DLGAP2: variants seen among roughly 807,000 people sequenced by gnomAD.
DLGAP2 encodes DLG associated protein 2.
Under a neutral mutation model 100.3 loss-of-function variants are expected in DLGAP2, and 26 were observed. That is an observed-to-expected ratio of 0.26 (90% CI 0.19 to 0.36). The LOEUF (loss-of-function observed/expected upper bound fraction) is 0.36. Ranked by LOEUF, DLGAP2 falls within the 10% of genes least tolerant of loss-of-function variation. The pLI, the probability that DLGAP2 is intolerant of heterozygous loss-of-function variation, is 1.00. For synonymous variants in DLGAP2, 886 were observed against 630.1 expected (o/e 1.41, Z -6.08); for missense variants, 1,858 against 1,453.2 (o/e 1.28, Z -4.53).
chr8:1,345,925 G>A (rs1801544310), intron 3 of DLGAP2, among the ~76,000 whole-genome samples: 1 of 152,212 alleles, frequency 6.6e-6, no homozygotes, highest in Non-Finnish European at 1.5e-5. Flanking sequence ...ACTCCAGGCA[G>A]GAAAGACACA....
At chr8:1,392,390 G>A (rs958862885) in intron 3 of DLGAP2, among the ~76,000 whole-genome samples, 2 of 152,104 alleles carry the variant, frequency 1.3e-5, no homozygotes, top group African/African-American at 4.8e-5. Context: ...CCATCAACTC[G>A]CGGCACTCGG....
rs543307866 is a variant in DLGAP2 at position 1,321,478 on chromosome 8, T to C, written c.106+62595T>C. Among the ~76,000 whole-genome samples the C allele has an allele frequency of 1.9e-4, 29 of 152,382 alleles. No individual in the cohort carries two copies. The Middle Eastern group carries it at 0.017, about 89-fold the overall frequency. ...GTGCGTGCATCCGCATCCATGTGCG[T>C]ATGCATGGTCCGTGACCACCATGCT... On this transcript the variant is annotated intron_variant, in intron 3 of 14. Coordinates refer to ENST00000637795, the MANE Select transcript of DLGAP2 (RefSeq NM_001346810.2).
intron 3 of DLGAP2, among the ~76,000 whole-genome samples, chr8:1,415,266 T>C (rs1182340835): frequency 6.6e-6 from 1 of 152,204 alleles, no homozygotes; most frequent in Non-Finnish European, 1.5e-5. Flanking sequence ...TTAATTATTT[T>C]CTTATGACTT....
At chr8:1,391,762 T>G (rs10866926) in intron 3 of DLGAP2, among the ~76,000 whole-genome samples, 1 of 152,114 alleles carries the variant, frequency 6.6e-6, no homozygotes, top group Non-Finnish European at 1.5e-5. Context: ...TTTTTCCTAG[T>G]TTGAAGAAAA....
At chr8:1,531,439 G>A (rs1056802176) in intron 4 of DLGAP2, among the ~76,000 whole-genome samples, 2 of 152,090 alleles carry the variant, frequency 1.3e-5, no homozygotes, top group Non-Finnish European at 2.9e-5. Flanking sequence ...GACTGTTAGT[G>A]AGGTTAGAAT....
At chr8:749,483 TC>T (rs1482653467) in intron 1 of DLGAP2, among the ~76,000 whole-genome samples, 2 of 152,238 alleles carry the variant, frequency 1.3e-5, no homozygotes, top group Non-Finnish European at 2.9e-5. Context: ...TATATTCTTT[TC>T]TAAGAATTTG....
Position 869,384 on chromosome 8 carries a change from G to A in DLGAP2, c.19-38528G>A, listed in dbSNP as rs143298160. ...ATCCTGAATCCGAGATTTATTTGCA[G>A]TTTTGTTTCTCTAGCTGAAAGAATG... On this transcript the variant is annotated intron_variant, in intron 1 of 14. Coordinates refer to ENST00000637795, the MANE Select transcript of DLGAP2 (RefSeq NM_001346810.2). Among the ~76,000 whole-genome samples the A allele has an allele frequency of 9.7e-4, 148 of 152,248 alleles. 2 individuals are homozygous for A. Among genetic ancestry groups the A allele is most frequent in the African/African-American group, 3.5e-3 (146 of 41,546 alleles).
chr8:1,569,550 A>C (rs146772120), intron 6 of DLGAP2, among the ~76,000 whole-genome samples: 169 of 152,372 alleles, frequency 1.1e-3, no homozygotes, highest in African/African-American at 4.0e-3. Flanking sequence ...GCTGTTGCCT[A>C]TTCGCATCTT....
chr8:1,331,560 T>C (rs1012220201), intron 3 of DLGAP2, among the ~76,000 whole-genome samples: 7 of 152,220 alleles, frequency 4.6e-5, no homozygotes, highest in African/African-American at 1.7e-4. Flanking sequence ...GAGTCTTTGC[T>C]GTTCATCCAC....
chr8:1,275,565 C>T (rs1799665939), intron 3 of DLGAP2, among the ~76,000 whole-genome samples: 1 of 151,020 alleles, frequency 6.6e-6, no homozygotes, highest in African/African-American at 2.4e-5. Context: ...TCTTTTCATT[C>T]CCAGATCTTC....
chr8:948,842 G>A (rs749108364), intron 2 of DLGAP2, among the ~76,000 whole-genome samples: 70 of 152,380 alleles, frequency 4.6e-4, no homozygotes, highest in Non-Finnish European at 7.9e-4. Flanking sequence ...GAGCAGAGGC[G>A]CGTCCTGGCC....
chr8:1,627,690 G>C (rs567455483), intron 7 of DLGAP2, among the ~76,000 whole-genome samples: 1 of 152,288 alleles, frequency 6.6e-6, no homozygotes, highest in African/African-American at 2.4e-5. Flanking sequence ...TTAAGAGCCT[G>C]AGCCGACCTC....
intron 3 of DLGAP2, among the ~76,000 whole-genome samples, chr8:1,355,604 C>A (rs1801830047): frequency 6.6e-6 from 1 of 152,146 alleles, no homozygotes; most frequent in South Asian, 2.1e-4. Context: ...ACCTCATGAT[C>A]CACCTGTCTC....
At chr8:1,231,924 A>T (rs917017469) in intron 2 of DLGAP2, among the ~76,000 whole-genome samples, 17 of 152,186 alleles carry the variant, frequency 1.1e-4, no homozygotes, top group Admixed American at 1.3e-4. Context: ...CCAGGTAACA[A>T]ACCTGCACAT....
intron 3 of DLGAP2, among the ~76,000 whole-genome samples, chr8:1,441,471 C>G (rs910882113): frequency 2.0e-5 from 3 of 152,000 alleles, no homozygotes; most frequent in African/African-American, 7.3e-5. Flanking sequence ...GGGCAGATCA[C>G]AAGGTCAAGA....
intron 3 of DLGAP2, among the ~76,000 whole-genome samples, chr8:1,321,952 T>C (rs1360238734): frequency 6.6e-6 from 1 of 152,234 alleles, no homozygotes; most frequent in Non-Finnish European, 1.5e-5. Flanking sequence ...TTTAATTTTA[T>C]GTTGTGGTTT....
intron 2 of DLGAP2, among the ~76,000 whole-genome samples, chr8:1,207,679 C>T (rs1465968602): frequency 1.3e-5 from 2 of 152,202 alleles, no homozygotes; most frequent in Admixed American, 6.5e-5. Context: ...TTTACATTCC[C>T]ACCAGCAGTG....
intron 2 of DLGAP2, among the ~76,000 whole-genome samples, chr8:1,253,339 G>A (rs958677973): frequency 2.0e-5 from 3 of 152,128 alleles, no homozygotes; most frequent in Non-Finnish European, 4.4e-5. Context: ...CGGCTCCATC[G>A]GCTGCTACTG....
At chr8:1,484,829 A>G (rs988404335) in intron 3 of DLGAP2, among the ~76,000 whole-genome samples, 9 of 152,182 alleles carry the variant, frequency 5.9e-5, no homozygotes, top group African/African-American at 2.2e-4. Context: ...ACCCTGAGTC[A>G]TCGGCTGTAT....
Sources: gnomAD v4.1 joint callset for allele counts (sites outside exome capture counted in the v4.1 genomes callset) on GRCh38, gnomAD v4.1.1 for gene constraint, MANE v1.5 for transcripts, NCBI Gene and HGNC (gene_info 2026-07-23, HGNC 2026-07-21) for gene names.